The following ETV1 variants were observed in gnomAD, a reference collection of about 807,000 sequenced individuals.
ETV1 encodes ETS variant transcription factor 1, also known as ETS translocation variant 1.
Under a neutral mutation model 62.3 loss-of-function variants are expected in ETV1, and 27 were observed. The ratio of observed to expected loss-of-function variants is 0.43; its 90% CI spans 0.32 to 0.60. ETV1 has a LOEUF of 0.60. ETV1 is among the 20% of genes least tolerant of loss of function. The probability of loss-of-function intolerance (pLI) is 0.06; values close to 1 mark genes in which losing one functional copy is unlikely to be tolerated. For missense variants in ETV1, 605 were observed against 605.8 expected, an observed-to-expected ratio of 1.00 and a Z score of 0.01; for synonymous variants, 222 against 199.6, an observed-to-expected ratio of 1.11 and a Z score of -0.94.
intron 6 of ETV1, among the ~76,000 whole-genome samples, chr7:13,956,074 T>C (rs373320771): frequency 5.9e-5 from 9 of 152,216 alleles, no homozygotes; most frequent in Admixed American, 3.9e-4. Context: ...AAGTCATATT[T>C]ATACCAAATT....
intron 9 of ETV1, among the ~76,000 whole-genome samples, chr7:13,920,903 C>A (rs1784771357): frequency 6.6e-6 from 1 of 152,102 alleles, no homozygotes; most frequent in Non-Finnish European, 1.5e-5. Context: ...CAATCTATGA[C>A]CTCTATTGCA....
intron 9 of ETV1, among the ~76,000 whole-genome samples, chr7:13,921,538 C>A (rs971089394): frequency 6.6e-6 from 1 of 152,118 alleles, no homozygotes; most frequent in Non-Finnish European, 1.5e-5. Context: ...AGTAAACAGT[C>A]CCTGTGTATA....
At chr7:13,978,531 G>A (rs9969142) in intron 5 of ETV1, among the ~76,000 whole-genome samples, 76,189 of 151,578 alleles carry the variant, frequency 0.5, 19,352 homozygotes, top group Admixed American at 0.6. Flanking sequence ...TTAGTGTTAC[G>A]TAATACTGAA....
At chr7:13,949,848 G>A (rs543893724) in intron 6 of ETV1, among the ~76,000 whole-genome samples, 92 of 152,156 alleles carry the variant, frequency 6.0e-4, no homozygotes, top group African/African-American at 2.1e-3. Flanking sequence ...TAATATTTCC[G>A]AGACAGGAAT....
Position 13,989,128 on chromosome 7 carries a change from A to G in ETV1, c.-76T>C, listed in dbSNP as rs1172919138. On this transcript the variant is annotated 5_prime_UTR_variant, in exon 3 of 14. Transcript: ENST00000430479. ...AGCTGGAGATTTCCTCAGGATCTGGACTTCTATCAACCTAGAGGGGAACAA... is the reference window on the plus strand; with the variant it reads ...AGCTGGAGATTTCCTCAGGATCTGGGCTTCTATCAACCTAGAGGGGAACAA... 4 of 1,279,892 alleles carry G rather than the reference A, an allele frequency of 3.1e-6. No individual in the cohort carries two copies. In the African/African-American group the frequency reaches 5.9e-5, roughly 19 times the overall value. The allele number at this position is 1,279,892 out of a possible 1,614,324, so 79.3% of individuals were successfully genotyped here.
intron 6 of ETV1, among the ~76,000 whole-genome samples, chr7:13,961,227 T>C (rs1278178966): frequency 6.6e-6 from 1 of 152,146 alleles, no homozygotes; most frequent in Non-Finnish European, 1.5e-5. Context: ...ATACTTTGGG[T>C]CAAATACATC....
upstream of ETV1, chr7:13,989,691 T>G: frequency 2.5e-6 from 1 of 398,638 alleles, no homozygotes; most frequent in East Asian, 3.6e-5. Context: ...CGGTGGTTTT[T>G]CCTCTACTTC....
At chr7:13,905,791 T>C (rs1172110712) in intron 12 of ETV1, among the ~76,000 whole-genome samples, 1 of 152,160 alleles carries the variant, frequency 6.6e-6, no homozygotes, top group Non-Finnish European at 1.5e-5. Flanking sequence ...AACCTTCCAA[T>C]GGAGTATGCC....
chr7:13,986,316 A>C, intron 5 of ETV1: 4 of 1,502,970 alleles, frequency 2.7e-6, no homozygotes, highest in Non-Finnish European at 3.5e-6. Flanking sequence ...TGGAGGTACA[A>C]TAATATAAAC....
chr7:13,918,730 G>A (rs1360727937), intron 9 of ETV1, among the ~76,000 whole-genome samples: 1 of 151,482 alleles, frequency 6.6e-6, no homozygotes, highest in African/African-American at 2.4e-5. Flanking sequence ...GTGGTGGGGT[G>A]GGGGGACGGG....
intron 6 of ETV1, among the ~76,000 whole-genome samples, chr7:13,963,291 C>T (rs1562688056): frequency 6.6e-6 from 1 of 151,866 alleles, no homozygotes; most frequent in Non-Finnish European, 1.5e-5. Context: ...ACTTATTTTT[C>T]GTTATGAAAA....
intron 5 of ETV1, among the ~76,000 whole-genome samples, chr7:13,981,657 G>A (rs1340048033): frequency 6.6e-6 from 1 of 151,748 alleles, no homozygotes; most frequent in Non-Finnish European, 1.5e-5. Flanking sequence ...TGCAAAGAAG[G>A]TTTCAAGAAA....
chr7:13,960,390 G>A (rs1048252905), intron 6 of ETV1, among the ~76,000 whole-genome samples: 1 of 152,070 alleles, frequency 6.6e-6, no homozygotes, highest in Non-Finnish European at 1.5e-5. Context: ...CTTCTACAGA[G>A]CTACTGAGTT....
At chr7:13,979,748 C>G (rs1273259282) in intron 5 of ETV1, among the ~76,000 whole-genome samples, 1 of 151,906 alleles carries the variant, frequency 6.6e-6, no homozygotes. Flanking sequence ...ATATAATATC[C>G]CTTTACAGGA....
chr7:13,931,893 T>C (rs1562637921), intron 8 of ETV1, 144 bp from the exon 9 acceptor site: 13 of 970,486 alleles, frequency 1.3e-5, no homozygotes, highest in Non-Finnish European at 1.4e-5. Context: ...TACGTTTTTC[T>C]TTCCTGGATT....
chr7:13,909,243 G>A (rs80046512), intron 11 of ETV1, among the ~76,000 whole-genome samples: 2 of 151,900 alleles, frequency 1.3e-5, no homozygotes, highest in East Asian at 3.9e-4. Context: ...AAGAGAGGCC[G>A]CGTTAGTCAT....
At chr7:13,910,999 CA>C (rs34396578) in intron 10 of ETV1, among the ~76,000 whole-genome samples, 1 of 151,962 alleles carries the variant, frequency 6.6e-6, no homozygotes, top group Non-Finnish European at 1.5e-5. Flanking sequence ...TGGTTGTTGG[CA>C]AAAAAGAACA....
Position 13,911,329 on chromosome 7 carries a change from G to A in ETV1, c.803-22C>T, listed in dbSNP as rs752887311. 2.6e-6 allele frequency: 4 copies of A among 1,567,730 alleles called. No individual in the cohort carries two copies. The South Asian group carries it at 3.4e-5, about 13-fold the overall frequency. ...ACTTCTGAAAGAGGAAACAATATTG[G>A]TCAAAAAGAGTCTGGAGCTGAAACG... On this transcript the variant is annotated intron_variant, in intron 9 of 13. Transcript: ENST00000430479.
chr7:13,919,847 T>C (rs1378447520), intron 9 of ETV1, among the ~76,000 whole-genome samples: 1 of 151,918 alleles, frequency 6.6e-6, no homozygotes, highest in Admixed American at 6.6e-5. Flanking sequence ...CCTTCTTTTG[T>C]TCATATTCAT....
Sources: gnomAD v4.1 joint callset for allele counts (sites outside exome capture counted in the v4.1 genomes callset) on GRCh38, gnomAD v4.1.1 for gene constraint, MANE v1.5 for transcripts, NCBI Gene and HGNC (gene_info 2026-07-23, HGNC 2026-07-21) for gene names.